The following A2ML1 variants were observed in gnomAD, a reference collection of about 807,000 sequenced individuals.
A2ML1 encodes the protein alpha-2-macroglobulin-like protein 1.
In A2ML1, 161 loss-of-function variants were observed where a neutral mutation model predicts 181.9. The ratio of observed to expected loss-of-function variants is 0.89; its 90% CI spans 0.78 to 1.01. The LOEUF is 1.01. Ranked by LOEUF, A2ML1 falls within the 50% of genes least tolerant of loss-of-function variation. The pLI, the probability that A2ML1 is intolerant of heterozygous loss-of-function variation, is 0.00. For missense variants in A2ML1, 1,670 were observed against 1,768.1 expected (o/e 0.94, Z 1.00); for synonymous variants, 663 against 666.8 (o/e 0.99, Z 0.09).
At chr12:8,855,663 G>A (rs1009771735) in intron 23 of A2ML1, 71 bp downstream of exon 23, 4 of 1,436,886 alleles carry the variant, frequency 2.8e-6, no homozygotes, top group African/African-American at 1.4e-5. Context: ...GGAGTGGGGC[G>A]GGACATACGG....
At chr12:8,830,844 A>G (rs1391318385) in intron 4 of A2ML1, 1 of 151,398 alleles carries the variant, frequency 6.6e-6, no homozygotes, top group African/African-American at 2.4e-5. Flanking sequence ...GTAATGCCCT[A>G]CCCGCTACTC....
intron 7 of A2ML1, among the ~76,000 whole-genome samples, chr12:8,884,663 A>G (rs1300155700): frequency 6.6e-6 from 1 of 152,212 alleles, no homozygotes; most frequent in Non-Finnish European, 1.5e-5. Context: ...CAGGCTGCCA[A>G]GTAGCTGGGA....
Position 8,874,962 on chromosome 12 carries a change from A to AT in A2ML1, c.4325-6dup. ...TCAAAGTAATAATATGACTTATTTC[A>AT]TTTCACAGATGAACAGGCAACAATT... On this transcript the variant is annotated splice_polypyrimidine_tract_variant and intron_variant, in intron 34 of 35. Coordinates refer to ENST00000299698, the MANE Select transcript of A2ML1 (RefSeq NM_144670.6). The AT allele has an allele frequency of 6.2e-7, 1 of 1,614,030 alleles. No individual in the cohort carries two copies. Among genetic ancestry groups the AT allele is most frequent in the Non-Finnish European group, 8.5e-7 (1 of 1,179,946 alleles).
intron 29 of A2ML1, among the ~76,000 whole-genome samples, chr12:8,866,694 A>G (rs2136952728): frequency 6.6e-6 from 1 of 152,328 alleles, no homozygotes; most frequent in Non-Finnish European, 1.5e-5. Context: ...AAAGGTAAAC[A>G]AAAATTGTTT....
intron 11 of A2ML1, among the ~76,000 whole-genome samples, chr12:8,842,240 C>CA (rs1802196918): frequency 1.4e-5 from 2 of 148,104 alleles, no homozygotes; most frequent in African/African-American, 2.5e-5. Flanking sequence ...TTTTTTGAGA[C>CA]AGAGTCTCAC....
rs1943476268 is a variant in A2ML1 at position 8,841,434 on chromosome 12, C to T, written c.1146C>T (p.Gly382=). 1 of 1,614,080 alleles carries T rather than the reference C, an allele frequency of 6.2e-7. No homozygotes were observed. The highest frequency in any genetic ancestry group is 2.2e-5 in the East Asian group (1 of 44,870). The change falls in exon 11 of 36, where the codon GGC becomes GGT. Residue 382 remains glycine, a synonymous_variant. Transcript: ENST00000299698. Reference sequence around the variant, plus strand: ...ATCTAGTGTTTCTGGTGATTTATGGCACAAATGGAACCTTCAACCAGACCC... The same window carrying T: ...ATCTAGTGTTTCTGGTGATTTATGGTACAAATGGAACCTTCAACCAGACCC... ...KNHLVFLVIY[G]TNGTFNQTLV...
chr12:8,863,656 A>T, intron 28 of A2ML1, 138 bp from the exon 29 acceptor site: 1 of 757,940 alleles, frequency 1.3e-6, no homozygotes, highest in South Asian at 1.9e-5. Flanking sequence ...TTAATCAGCT[A>T]AATCTAAGAA....
intron 11 of A2ML1, among the ~76,000 whole-genome samples, chr12:8,842,555 C>G (rs766067032): frequency 6.6e-6 from 1 of 152,066 alleles, no homozygotes; most frequent in Non-Finnish European, 1.5e-5. Context: ...CCCAACAAAT[C>G]GAACAGTGGG....
At chr12:8,823,652 G>A (rs1314043292) in intron 2 of A2ML1, 68 bp from the exon 3 acceptor site, 5 of 1,535,442 alleles carry the variant, frequency 3.3e-6, no homozygotes, top group African/African-American at 1.4e-5. Context: ...CTCACTGTTG[G>A]GTTGAGACCA....
At chr12:8,841,625 T>G in intron 11 of A2ML1, 89 bp downstream of exon 11, 2 of 1,337,452 alleles carry the variant, frequency 1.5e-6, no homozygotes. Context: ...TTCTCCCCTC[T>G]GCTTGGAATT....
intron 3 of A2ML1, among the ~76,000 whole-genome samples, chr12:8,825,992 C>G (rs1300941814): frequency 6.6e-6 from 1 of 152,142 alleles, no homozygotes; most frequent in East Asian, 1.9e-4. Context: ...GTTACTATAG[C>G]TTTGCAGTAT....
chr12:8,835,139 T>C (rs183201980), intron 5 of A2ML1, among the ~76,000 whole-genome samples: 48 of 152,354 alleles, frequency 3.2e-4, no homozygotes, highest in African/African-American at 1.2e-3. Flanking sequence ...GTTTTAGGTA[T>C]CTTACAATCA....
chr12:8,826,362 A>G (rs1206689634), intron 3 of A2ML1, among the ~76,000 whole-genome samples: 1 of 151,924 alleles, frequency 6.6e-6, no homozygotes, highest in African/African-American at 2.4e-5. Context: ...TAGGTATTTT[A>G]TATTATTTAT....
intron 18 of A2ML1, among the ~76,000 whole-genome samples, chr12:8,851,295 TC>T (rs748979694): frequency 2.8e-4 from 43 of 151,872 alleles, no homozygotes; most frequent in African/African-American, 1.0e-3. Flanking sequence ...CCCACCATAG[TC>T]CCCCTCCTCC....
Position 8,843,237 on chromosome 12 carries a change from G to T in A2ML1, c.1352G>T (p.Ser451Ile). 1 of 1,614,184 alleles carries T rather than the reference G, an allele frequency of 6.2e-7. No homozygotes were observed. Among genetic ancestry groups the T allele is most frequent in the Non-Finnish European group, 8.5e-7 (1 of 1,180,044 alleles). The part of the protein sequence containing the change: ...HLRPFYSTTR[S>I]FLGIHRLNGP... The stretch of plus-strand genomic sequence containing the variant: ...CGACCCTTCTACAGCACAACCCGCA[G>T]CTTCCTTGGCATCCACCGGCTAAAC... The change falls in exon 12 of 36, where the codon AGC becomes ATC. Residue 451 changes from serine (S) to isoleucine (I), a missense_variant. Transcript: ENST00000299698.
At position 8,839,402 on chromosome 12, in the gene A2ML1, C is replaced by A. The variant is rs1344452; in HGVS notation, c.1080+180C>A. On this transcript the variant is annotated intron_variant, in intron 10 of 35. Coordinates refer to ENST00000299698, the MANE Select transcript of A2ML1 (RefSeq NM_144670.6). ...CTGTATTGGCCCCATTTTATGGATA[C>A]TGAGACAGGCAACAGAGGCTAAGTG... Among the ~76,000 whole-genome samples the A allele has an allele frequency of 0.93, 141,526 of 152,254 alleles. 66,444 individuals carry two copies. The highest frequency in any genetic ancestry group is 1 in the East Asian group (5,188 of 5,188).
intron 29 of A2ML1, among the ~76,000 whole-genome samples, chr12:8,866,656 T>TA (rs1027888826): frequency 6.6e-6 from 1 of 152,126 alleles, no homozygotes; most frequent in African/African-American, 2.4e-5. Context: ...GTTCAAGCAG[T>TA]AAAAAACCTC....
intron 14 of A2ML1, among the ~76,000 whole-genome samples, chr12:8,846,987 T>C (rs974815493): frequency 2.0e-5 from 3 of 151,016 alleles, no homozygotes; most frequent in African/African-American, 7.3e-5. Flanking sequence ...CAGGCTGGAG[T>C]GCAATGGTGC....
intron 22 of A2ML1, among the ~76,000 whole-genome samples, chr12:8,855,142 C>T (rs1028401207): frequency 1.3e-5 from 2 of 152,134 alleles, no homozygotes; most frequent in Non-Finnish European, 2.9e-5. Context: ...ATCCTCCTGC[C>T]TTGGCCTCCC....
Sources: gnomAD v4.1 joint callset for allele counts (sites outside exome capture counted in the v4.1 genomes callset) on GRCh38, gnomAD v4.1.1 for gene constraint, MANE v1.5 for transcripts, NCBI Gene and HGNC (gene_info 2026-07-23, HGNC 2026-07-21) for gene names.